The following SEC11A variants were observed in gnomAD, a reference collection of about 807,000 sequenced individuals.
The protein encoded by SEC11A is signal peptidase complex catalytic subunit SEC11A.
Under a neutral mutation model 25.6 loss-of-function variants are expected in SEC11A, and 14 were observed. That is an observed-to-expected ratio of 0.55 (90% CI 0.36 to 0.85). The LOEUF (loss-of-function observed/expected upper bound fraction) is 0.85, where lower values mean the gene tolerates loss of function less well. Ranked by LOEUF, SEC11A falls within the 40% of genes least tolerant of loss-of-function variation. SEC11A has a pLI of 0.01. For missense variants in SEC11A, 153 were observed against 222.9 expected (o/e 0.69, Z 2.00); for synonymous variants, 83 against 76.4 (o/e 1.09, Z -0.45).
chr15:84,711,581 C>G (rs1898268084), intron 1 of SEC11A, among the ~76,000 whole-genome samples: 1 of 151,782 alleles, frequency 6.6e-6, no homozygotes, highest in Non-Finnish European at 1.5e-5. Flanking sequence ...ACTTTAGCAG[C>G]CTGAGGCGAT....
At chr15:84,704,094 C>G (rs1228308527) in intron 1 of SEC11A, among the ~76,000 whole-genome samples, 1 of 152,162 alleles carries the variant, frequency 6.6e-6, no homozygotes, top group Non-Finnish European at 1.5e-5. Context: ...TGCCACCAAT[C>G]CTGATGGCAC....
intron 4 of SEC11A, among the ~76,000 whole-genome samples, chr15:84,677,566 G>A (rs1897171020): frequency 6.7e-6 from 1 of 150,372 alleles, no homozygotes. Context: ...TCCACCTCCC[G>A]GGTTCATGCC....
At position 84,682,702 on chromosome 15, in the gene SEC11A, G is replaced by A. The variant is rs532069075; in HGVS notation, c.312-1870C>T. 4.4e-4 allele frequency among the ~76,000 whole-genome samples: 67 copies of A among 152,170 alleles called. No individual in the cohort carries two copies. The East Asian group carries it at 0.013, about 29-fold the overall frequency. ...CTGACCTCATGATCTGCCCACCTCG[G>A]CCTCCCAAAGTGCTAGGATTACAGG... On this transcript the variant is annotated intron_variant, in intron 3 of 5. Transcript: ENST00000268220.
Position 84,669,969 on chromosome 15 carries a change from T to A in SEC11A, c.*50A>T, listed in dbSNP as rs756246154. 5 of 1,612,402 alleles carry A rather than the reference T, an allele frequency of 3.1e-6. No homozygotes were observed. In the Admixed American group the frequency reaches 5.0e-5, roughly 16 times the overall value. On this transcript the variant is annotated 3_prime_UTR_variant, in exon 6 of 6. Transcript: ENST00000268220. ...CACAGACCAGTATCTACTCCAAACA[T>A]CCAGTAACGAAAACTATGGCATCTT...
intron 2 of SEC11A, among the ~76,000 whole-genome samples, 198 bp from the exon 3 acceptor site, chr15:84,687,972 T>A (rs879796139): frequency 6.6e-6 from 1 of 152,262 alleles, no homozygotes; most frequent in Non-Finnish European, 1.5e-5. Context: ...GATTTTTTTT[T>A]AGTTATTAAC....
chr15:84,677,342 A>G (rs895765564), intron 4 of SEC11A, among the ~76,000 whole-genome samples: 1 of 152,094 alleles, frequency 6.6e-6, no homozygotes, highest in African/African-American at 2.4e-5. Flanking sequence ...TTTTTTTTCT[A>G]CAGAAACTTC....
At chr15:84,673,924 A>T (rs1362702231) in intron 4 of SEC11A, 1 of 152,040 alleles carries the variant, frequency 6.6e-6, no homozygotes, top group Non-Finnish European at 1.5e-5. Context: ...TAAAAATAAA[A>T]AATAAAAAAA....
chr15:84,677,475 CTTTTTTT>C (rs1171786400), intron 4 of SEC11A, among the ~76,000 whole-genome samples: 1 of 131,428 alleles, frequency 7.6e-6, no homozygotes, highest in Non-Finnish European at 1.7e-5. Flanking sequence ...TTTTCTTTTT[CTTTTTTT>C]TTTTTTTTTA....
At position 84,716,107 on chromosome 15, in the gene SEC11A, G is replaced by A. The variant is rs781568910; in HGVS notation, c.-32C>T. 5.6e-6 allele frequency: 9 copies of A among 1,609,248 alleles called. No individual in the cohort carries two copies. The African/African-American group carries it at 8.0e-5, about 14-fold the overall frequency. ...GACGGCGAGCAGGACACCGGCAGGG[G>A]AAAGGGCGCGATGACCAGCGGGCGG... is the stretch of plus-strand genomic sequence containing the variant. On this transcript the variant is annotated 5_prime_UTR_variant, in exon 1 of 6. Transcript: ENST00000268220.
chr15:84,674,425 A>G (rs768321722), intron 4 of SEC11A, among the ~76,000 whole-genome samples: 2 of 152,132 alleles, frequency 1.3e-5, no homozygotes, highest in East Asian at 3.8e-4. Flanking sequence ...TTCTGATCTG[A>G]TGATCAATAA....
intron 1 of SEC11A, among the ~76,000 whole-genome samples, chr15:84,704,920 C>CTTTT (rs11407566): frequency 6.8e-6 from 1 of 147,342 alleles, no homozygotes; most frequent in Non-Finnish European, 1.5e-5. Flanking sequence ...CTTCTGGAGT[C>CTTTT]TTTTTTTTTT....
At chr15:84,689,041 AAAAAG>A (rs1235463566) in intron 2 of SEC11A, among the ~76,000 whole-genome samples, 1 of 151,716 alleles carries the variant, frequency 6.6e-6, no homozygotes, top group Non-Finnish European at 1.5e-5. Flanking sequence ...AAAAAAAAAA[AAAAAG>A]AAGAAGAAGA....
chr15:84,711,992 G>A (rs1313726457), intron 1 of SEC11A, among the ~76,000 whole-genome samples: 2 of 152,026 alleles, frequency 1.3e-5, no homozygotes, highest in African/African-American at 4.8e-5. Flanking sequence ...TGTAATTCCA[G>A]CAGTTTGAGG....
intron 1 of SEC11A, among the ~76,000 whole-genome samples, chr15:84,703,402 C>T (rs187181463): frequency 2.6e-5 from 4 of 152,264 alleles, no homozygotes; most frequent in African/African-American, 7.2e-5. Context: ...ACTCAGATAC[C>T]CATGGCTCCT....
chr15:84,700,888 C>T (rs535591860), intron 1 of SEC11A, among the ~76,000 whole-genome samples: 1 of 145,632 alleles, frequency 6.9e-6, no homozygotes, highest in African/African-American at 2.6e-5. Context: ...GCTGAGGTAG[C>T]AGAGTCACTT....
chr15:84,688,797 G>T (rs1051207763), intron 2 of SEC11A, among the ~76,000 whole-genome samples: 1 of 152,194 alleles, frequency 6.6e-6, no homozygotes, highest in Non-Finnish European at 1.5e-5. Context: ...TCGGGAGGCC[G>T]AGGTGGGCAG....
chr15:84,687,292 G>C lies in SEC11A; in HGVS notation c.311+333C>G, dbSNP rs543755288. Among the ~76,000 whole-genome samples, 31 of 152,306 alleles carry C rather than the reference G, an allele frequency of 2.0e-4. No individual in the cohort carries two copies. The South Asian group carries it at 6.2e-3, about 31-fold the overall frequency. On this transcript the variant is annotated intron_variant, in intron 3 of 5. Transcript: ENST00000268220. Reference sequence around the variant, plus strand: ...GCCTCCCAAAGTACTGGGATTGTAGGCGTGAGCCACTGTGCCCAACCAGAA... The same window carrying C: ...GCCTCCCAAAGTACTGGGATTGTAGCCGTGAGCCACTGTGCCCAACCAGAA...
At chr15:84,712,850 C>G (rs755327085) in intron 1 of SEC11A, among the ~76,000 whole-genome samples, 1 of 152,068 alleles carries the variant, frequency 6.6e-6, no homozygotes, top group Non-Finnish European at 1.5e-5. Context: ...TGGGACAGAA[C>G]GGGTCTTGTA....
intron 1 of SEC11A, among the ~76,000 whole-genome samples, chr15:84,693,473 T>TC (rs906291273): frequency 1.1e-4 from 17 of 150,640 alleles, no homozygotes. Flanking sequence ...CTTTTTTTTT[T>TC]TTGAGACAGG....
Sources: allele counts gnomAD v4.1 joint callset (sites outside exome capture counted in the v4.1 genomes callset), GRCh38; gene constraint gnomAD v4.1.1; transcripts MANE v1.5; gene names NCBI Gene and HGNC (gene_info 2026-07-23, HGNC 2026-07-21).